Variants in ASTN1 observed in about 807,000 individuals in gnomAD.
The protein encoded by ASTN1 is astrotactin 1, also known as astrotactin-1.
In ASTN1, 41 loss-of-function variants were observed where a neutral mutation model predicts 140.7. The ratio of observed to expected loss-of-function variants is 0.29; its 90% confidence interval spans 0.23 to 0.38. ASTN1 has a LOEUF of 0.38. Among genes scored for constraint, ASTN1 ranks in the 10% least tolerant of loss-of-function variants. The probability of loss-of-function intolerance (pLI) is 1.00; values close to 1 mark genes in which losing one functional copy is unlikely to be tolerated. For synonymous variants in ASTN1, 640 were observed against 652.2 expected (o/e 0.98, Z 0.29); for missense variants, 1,479 against 1,678.8 (o/e 0.88, Z 2.08).
intron 14 of ASTN1, among the ~76,000 whole-genome samples, chr1:176,942,967 G>A (rs1346987893): frequency 6.7e-6 from 1 of 149,724 alleles, no homozygotes; most frequent in African/African-American, 2.5e-5. Context: ...TGTCACAGGT[G>A]CACGTCCTCA....
chr1:176,887,624 T>G (rs1271165081), intron 18 of ASTN1, among the ~76,000 whole-genome samples: 1 of 152,208 alleles, frequency 6.6e-6, no homozygotes, highest in African/African-American at 2.4e-5. Context: ...AGTATCTAAC[T>G]GCTCCATACA....
chr1:176,862,184 A>T lies in ASTN1; in HGVS notation c.*2100T>A, dbSNP rs1395797717. On this transcript the variant is annotated 3_prime_UTR_variant, in exon 23 of 23. Coordinates refer to ENST00000361833, the MANE Select transcript of ASTN1 (RefSeq NM_004319.3). ...GGCTCCAGCATTTGCCACAGGTGGG[A>T]CAGCCAATTTTTCTGCTGATCTTTG... 1.0e-6 allele frequency: 1 copy of T among 985,288 alleles called. No homozygotes were observed. The highest frequency in any genetic ancestry group is 1.2e-6 in the Non-Finnish European group (1 of 829,928). The allele number at this position is 985,288 out of a possible 1,614,324, so 61.0% of individuals were successfully genotyped here.
At chr1:177,072,974 TCC>T (rs1238202220) in intron 1 of ASTN1, among the ~76,000 whole-genome samples, 5 of 152,240 alleles carry the variant, frequency 3.3e-5, no homozygotes, top group African/African-American at 1.2e-4. Context: ...TGGGTTTTCT[TCC>T]TCTGATGTGT....
At chr1:177,055,331 C>T (rs1027480187) in intron 2 of ASTN1, among the ~76,000 whole-genome samples, 4 of 152,232 alleles carry the variant, frequency 2.6e-5, no homozygotes, top group African/African-American at 7.2e-5. Context: ...CGCATCTTGA[C>T]AAGAGATGCA....
intron 2 of ASTN1, among the ~76,000 whole-genome samples, chr1:177,038,003 G>T (rs1158573310): frequency 6.6e-6 from 1 of 152,136 alleles, no homozygotes; most frequent in Non-Finnish European, 1.5e-5. Context: ...GTAGATTTTA[G>T]AATTTTTATG....
At chr1:176,921,830 A>G (rs1458902658) in intron 16 of ASTN1, among the ~76,000 whole-genome samples, 1 of 152,226 alleles carries the variant, frequency 6.6e-6, no homozygotes, top group Non-Finnish European at 1.5e-5. Flanking sequence ...CTTCAGCATG[A>G]TAAAAGGGTG....
chr1:176,872,537 G>T (rs1668392327), intron 21 of ASTN1, among the ~76,000 whole-genome samples: 1 of 152,150 alleles, frequency 6.6e-6, no homozygotes, highest in Non-Finnish European at 1.5e-5. Context: ...TTGCCAATGG[G>T]TTGGATGTAG....
intron 16 of ASTN1, among the ~76,000 whole-genome samples, chr1:176,904,832 A>G (rs1178724407): frequency 6.6e-6 from 1 of 152,124 alleles, no homozygotes; most frequent in African/African-American, 2.4e-5. Context: ...CGTGCTGAGG[A>G]AGGGGCGCCC....
At chr1:176,968,470 C>G (rs1257763246) in intron 8 of ASTN1, among the ~76,000 whole-genome samples, 1 of 152,288 alleles carries the variant, frequency 6.6e-6, no homozygotes, top group East Asian at 1.9e-4. Flanking sequence ...CCCGACACCC[C>G]ACCTCCCACC....
intron 16 of ASTN1, among the ~76,000 whole-genome samples, chr1:176,914,199 G>C (rs570686700): frequency 1.3e-5 from 2 of 152,256 alleles, no homozygotes; most frequent in East Asian, 3.9e-4. Flanking sequence ...CAGTAGAAAA[G>C]TTGGAGCTTA....
At chr1:177,141,046 C>T (rs1316054236) in intron 1 of ASTN1, among the ~76,000 whole-genome samples, 3 of 152,114 alleles carry the variant, frequency 2.0e-5, no homozygotes, top group African/African-American at 7.2e-5. Context: ...AAAACCCCAT[C>T]TCTACTAAAA....
intron 8 of ASTN1, among the ~76,000 whole-genome samples, chr1:176,986,624 C>T (rs1315049294): frequency 6.6e-6 from 1 of 151,950 alleles, no homozygotes; most frequent in Non-Finnish European, 1.5e-5. Context: ...TATAGTCTCA[C>T]GGTTAAGCAT....
At chr1:176,871,660 A>T (rs1395569587) in intron 21 of ASTN1, among the ~76,000 whole-genome samples, 1 of 152,180 alleles carries the variant, frequency 6.6e-6, no homozygotes, top group Non-Finnish European at 1.5e-5. Flanking sequence ...CTTCAGAAAG[A>T]TCTATGCTCC....
chr1:177,160,901 C>T (rs2014384), intron 1 of ASTN1, among the ~76,000 whole-genome samples: 16,939 of 152,118 alleles, frequency 0.11, 1,210 homozygotes, highest in African/African-American at 0.2. Flanking sequence ...GTAAGTACTA[C>T]GAAGAAGTAT....
At chr1:177,096,623 C>T (rs1221464759) in intron 1 of ASTN1, among the ~76,000 whole-genome samples, 1 of 152,106 alleles carries the variant, frequency 6.6e-6, no homozygotes, top group Admixed American at 6.5e-5. Context: ...TTTTCCCCTG[C>T]TGTTGTTCTC....
chr1:176,927,531 A>G (rs919824227), intron 16 of ASTN1, among the ~76,000 whole-genome samples: 1 of 152,238 alleles, frequency 6.6e-6, no homozygotes, highest in African/African-American at 2.4e-5. Flanking sequence ...GTTCTAATTT[A>G]AAATCAGTTT....
At chr1:176,952,407 A>G (rs1157587436) in intron 11 of ASTN1, among the ~76,000 whole-genome samples, 3 of 152,140 alleles carry the variant, frequency 2.0e-5, no homozygotes, top group Non-Finnish European at 4.4e-5. Flanking sequence ...AAGATCCTCA[A>G]TCACTGAAAA....
intron 8 of ASTN1, among the ~76,000 whole-genome samples, chr1:177,000,614 A>C (rs1306415886): frequency 6.6e-6 from 1 of 152,226 alleles, no homozygotes; most frequent in African/African-American, 2.4e-5. Context: ...TTTCTAATGC[A>C]CACAAAGGTA....
At chr1:176,991,413 C>CAAAAAAAAAAAAAAAAAAAAACA (rs1674157346) in intron 8 of ASTN1, among the ~76,000 whole-genome samples, 1 of 109,540 alleles carries the variant, frequency 9.1e-6, no homozygotes, top group Non-Finnish European at 1.9e-5. Flanking sequence ...AACTCTGTCT[C>CAAAAAAAAAAAAAAAAAAAAACA]AAAAAAAAAA....
Sources: allele counts gnomAD v4.1 joint callset (sites outside exome capture counted in the v4.1 genomes callset), GRCh38; gene constraint gnomAD v4.1.1; transcripts MANE v1.5; gene names NCBI Gene and HGNC (gene_info 2026-07-23, HGNC 2026-07-21).